Variants in SPMIP4 observed in about 807,000 individuals in gnomAD.
SPMIP4 encodes sperm-associated microtubule inner protein 4.
the SPMIP4 span, among the ~76,000 whole-genome samples, chr7:25,137,127 C>T: frequency 5.9e-5 from 9 of 152,230 alleles, no homozygotes; most frequent in Non-Finnish European, 8.8e-5. Context: ...GCATTAGCCG[C>T]GTGTGCAGTT....
chr7:25,178,396 A>G, the SPMIP4 span, among the ~76,000 whole-genome samples: 1 of 152,242 alleles, frequency 6.6e-6, no homozygotes, highest in East Asian at 1.9e-4. Flanking sequence ...TTCTTTGAGA[A>G]ATCACCAAAC....
the SPMIP4 span, chr7:25,135,973 C>G: frequency 4.5e-5 from 72 of 1,586,278 alleles, no homozygotes; most frequent in Non-Finnish European, 5.9e-5. Flanking sequence ...ATGAGTATCT[C>G]AATTATAGAA....
At chr7:25,157,727 T>A in the SPMIP4 span, among the ~76,000 whole-genome samples, 1 of 152,084 alleles carries the variant, frequency 6.6e-6, no homozygotes, top group African/African-American at 2.4e-5. Context: ...GGAGAGATGG[T>A]GACTGAATGT....
chr7:25,151,648 A>T, the SPMIP4 span: 1 of 1,611,714 alleles, frequency 6.2e-7, no homozygotes, highest in Non-Finnish European at 8.5e-7. Flanking sequence ...CTTTGAATCC[A>T]TGGGAATATC....
chr7:25,149,953 C>T, the SPMIP4 span, among the ~76,000 whole-genome samples: 1 of 152,150 alleles, frequency 6.6e-6, no homozygotes, highest in Admixed American at 6.5e-5. Context: ...TGACCTGGTT[C>T]TCTTTGCTAC....
chr7:25,148,587 G>A, the SPMIP4 span, among the ~76,000 whole-genome samples: 2 of 147,366 alleles, frequency 1.4e-5, no homozygotes, highest in African/African-American at 5.1e-5. Flanking sequence ...CGATTCTCCT[G>A]CCTCGGCCTC....
At chr7:25,154,708 GAAATAA>G in the SPMIP4 span, among the ~76,000 whole-genome samples, 1 of 151,544 alleles carries the variant, frequency 6.6e-6, no homozygotes, top group South Asian at 2.1e-4. Context: ...GAGCAGGAAA[GAAATAA>G]AAATAGAAAA....
the SPMIP4 span, among the ~76,000 whole-genome samples, chr7:25,145,405 C>G: frequency 5.3e-5 from 8 of 152,244 alleles, no homozygotes; most frequent in East Asian, 9.6e-4. Flanking sequence ...TTTACTGTAG[C>G]GTGTGATGTC....
the SPMIP4 span, among the ~76,000 whole-genome samples, chr7:25,166,717 T>C: frequency 2.0e-5 from 3 of 149,278 alleles, no homozygotes; most frequent in Admixed American, 6.7e-5. Flanking sequence ...AGAAACCCCA[T>C]GTTTTAGTCT....
the SPMIP4 span, among the ~76,000 whole-genome samples, chr7:25,141,188 T>G: frequency 6.6e-6 from 1 of 152,210 alleles, no homozygotes; most frequent in African/African-American, 2.4e-5. Flanking sequence ...ACGTATTGGC[T>G]TTTCATTGTA....
chr7:25,164,568 T>C, the SPMIP4 span, among the ~76,000 whole-genome samples: 1 of 152,176 alleles, frequency 6.6e-6, no homozygotes, highest in East Asian at 1.9e-4. Flanking sequence ...CCAGCTCAGG[T>C]ATTTGCTGAG....
At chr7:25,180,005 G>GCCTCC in the SPMIP4 span, 12 of 152,570 alleles carry the variant, frequency 7.9e-5, no homozygotes, top group African/African-American at 2.4e-4. Context: ...GCGGGACCGC[G>GCCTCC]CCTCCCCTCC....
the SPMIP4 span, chr7:25,161,325 G>A: frequency 2.4e-6 from 2 of 842,206 alleles, no homozygotes; most frequent in Non-Finnish European, 1.8e-6. Flanking sequence ...TGGTGAGATA[G>A]TAAAAGACAA....
chr7:25,153,728 T>C, the SPMIP4 span, among the ~76,000 whole-genome samples: 2 of 152,246 alleles, frequency 1.3e-5, no homozygotes, highest in African/African-American at 2.4e-5. Flanking sequence ...TACTTGTTTA[T>C]GTATCATACT....
chr7:25,136,830 C>T, the SPMIP4 span: 4 of 1,580,694 alleles, frequency 2.5e-6, no homozygotes, highest in East Asian at 6.7e-5. This position sits in a 1 kb window ranked among gnomAD's most constrained non-coding sequence, Gnocchi z 5.7. Context: ...AAAAATTGAT[C>T]AGGGATATTG....
chr7:25,135,250 GC>G, the SPMIP4 span: 1 of 865,090 alleles, frequency 1.2e-6, no homozygotes, highest in African/African-American at 1.8e-5. Flanking sequence ...GCTAATTAAG[GC>G]CATTGCTAGA....
chr7:25,136,714 G>T, the SPMIP4 span: 1 of 1,614,180 alleles, frequency 6.2e-7, no homozygotes, highest in Non-Finnish European at 8.5e-7. This position sits in a 1 kb window ranked among gnomAD's most constrained non-coding sequence, Gnocchi z 5.7. Flanking sequence ...AGCCTCCAGA[G>T]AACGTCGGTT....
At chr7:25,174,266 C>T in the SPMIP4 span, among the ~76,000 whole-genome samples, 1 of 152,056 alleles carries the variant, frequency 6.6e-6, no homozygotes, top group Non-Finnish European at 1.5e-5. The surrounding 1 kb of genome is among the most constrained non-coding windows in gnomAD (Gnocchi z 4.5). Flanking sequence ...CACTCTCTCT[C>T]CATGTCTCTC....
chr7:25,171,183 G>A, the SPMIP4 span, among the ~76,000 whole-genome samples: 1 of 152,142 alleles, frequency 6.6e-6, no homozygotes, highest in Non-Finnish European at 1.5e-5. Context: ...GTGGACTGGC[G>A]GTTTCCTAAA....
Sources: gnomAD v4.1 joint callset for allele counts (sites outside exome capture counted in the v4.1 genomes callset) on GRCh38, gnomAD v4.1.1 for gene constraint, Gnocchi (gnomAD v3.1) non-coding constraint, MANE v1.5 for transcripts, NCBI Gene and HGNC (gene_info 2026-07-23, HGNC 2026-07-21) for gene names.